The following URB1 variants were observed in gnomAD, a reference collection of about 807,000 sequenced individuals.
The protein encoded by URB1 is URB1 ribosome biogenesis factor.
Under a neutral mutation model 242.3 loss-of-function variants are expected in URB1, and 197 were observed. The ratio of observed to expected loss-of-function variants is 0.81; its 90% confidence interval spans 0.72 to 0.91. The LOEUF is 0.91. Ranked by LOEUF, URB1 falls within the 40% of genes least tolerant of loss-of-function variation. URB1 has a pLI of 0.00. For synonymous variants in URB1, 1,153 were observed against 1,201.8 expected, an observed-to-expected ratio of 0.96 and a Z score of 0.84; for missense variants, 2,721 against 2,860.5, an observed-to-expected ratio of 0.95 and a Z score of 1.11.
chr21:32,333,294 A>C, intron 30 of URB1, 23 bp downstream of exon 30: 1 of 1,548,158 alleles, frequency 6.5e-7, no homozygotes, highest in Non-Finnish European at 8.7e-7. Flanking sequence ...GCAAGCCCTG[A>C]CCCAAGAGAA....
chr21:32,357,677 C>A, intron 14 of URB1, 21 bp from the exon 15 acceptor site: 3 of 1,411,124 alleles, frequency 2.1e-6, no homozygotes, highest in Non-Finnish European at 2.8e-6. Flanking sequence ...AACAATATTA[C>A]GTATTTTTAG....
Position 32,311,415 on chromosome 21 carries a change from A to ACCCCCC in URB1, c.*3497_*3502dup. On this transcript the variant is annotated 3_prime_UTR_variant, in exon 39 of 39. Transcript: ENST00000382751. The stretch of plus-strand genomic sequence containing the variant: ...GTCAACCTGCTCCCCTCCACCCCCC[A>ACCCCCC]CCCCCCCCATCCTAAATCAATGTAG... 3.5e-5 allele frequency: 4 copies of ACCCCCC among 113,772 alleles called. No homozygotes were observed. Among genetic ancestry groups the ACCCCCC allele is most frequent in the Admixed American group, 1.1e-4 (1 of 9,310 alleles). The allele number at this position is 113,772 out of a possible 1,614,324, so 7.0% of individuals were successfully genotyped here. A position where few individuals can be genotyped will look rare whatever the true frequency, so the allele number is the denominator to read the frequency against.
intron 9 of URB1, among the ~76,000 whole-genome samples, chr21:32,367,546 A>G (rs1018930676): frequency 1.3e-5 from 2 of 152,124 alleles, no homozygotes; most frequent in African/African-American, 4.8e-5. Context: ...ACCATGAATC[A>G]GTGACAGAGA....
chr21:32,357,643 G>C lies in URB1; in HGVS notation c.1883C>G (p.Ala628Gly). 1 of 1,495,786 alleles carries C rather than the reference G, an allele frequency of 6.7e-7. No individual in the cohort carries two copies. Among genetic ancestry groups the C allele is most frequent in the Non-Finnish European group, 8.9e-7 (1 of 1,123,858 alleles). The allele number at this position is 1,495,786 out of a possible 1,614,324, so 92.7% of individuals were successfully genotyped here. The part of the protein sequence containing the change: ...LWLKAQEGPD[A>G]EIIGGERSVF... Reference sequence around the variant, plus strand: ...TGATCGTTCACCTCCAATAATTTCTGCATCTGGGCCTTCCTAGAGTTTAAA... The same window carrying C: ...TGATCGTTCACCTCCAATAATTTCTCCATCTGGGCCTTCCTAGAGTTTAAA... Residue 628 changes from alanine (A) to glycine (G), a missense_variant, in exon 15 of 39, where the codon GCA (alanine) becomes GGA (glycine). Ala to Gly is a moderately conservative substitution (Grantham distance 60, BLOSUM62 0). Coordinates refer to ENST00000382751, the MANE Select transcript of URB1 (RefSeq NM_014825.3).
At chr21:32,366,585 AGT>A (rs1568826905) in intron 10 of URB1, 31 bp downstream of exon 10, 1 of 1,550,134 alleles carries the variant, frequency 6.5e-7, no homozygotes, top group East Asian at 2.4e-5. Flanking sequence ...AGCTGGAGGC[AGT>A]TCCAGAAGTG....
intron 9 of URB1, 107 bp from the exon 10 acceptor site, chr21:32,366,862 G>A (rs567657958): frequency 3.0e-5 from 38 of 1,265,292 alleles, no homozygotes; most frequent in Middle Eastern, 3.9e-4. Flanking sequence ...TAATTATAGC[G>A]GTAAAGGTCC....
intron 3 of URB1, 102 bp from the exon 4 acceptor site, chr21:32,383,656 C>A: frequency 8.0e-7 from 1 of 1,256,016 alleles, no homozygotes; most frequent in South Asian, 2.3e-5. Context: ...TATTTGCTAT[C>A]CCCAAACCAG....
In URB1 at chr21:32,383,539, G is replaced by A; in HGVS notation, c.450C>T (p.Cys150=). 5 of 1,551,494 alleles carry A rather than the reference G, an allele frequency of 3.2e-6. No individual in the cohort carries two copies. Among genetic ancestry groups the A allele is most frequent in the Non-Finnish European group, 1.7e-6 (2 of 1,146,932 alleles). Residue 150 remains cysteine, a synonymous_variant, in exon 4 of 39, where the codon TGC becomes TGT. Transcript: ENST00000382751. ...YASGYRLARA[C]LSLMTAMVTQ... Reference sequence around the variant, plus strand: ...TCACCATGGCGGTCATCAGGCTCAGGCAGGCGCGAGCCAACCTGCACAGGG... The same window carrying A: ...TCACCATGGCGGTCATCAGGCTCAGACAGGCGCGAGCCAACCTGCACAGGG...
intron 32 of URB1, 57 bp from the exon 33 acceptor site, chr21:32,322,641 C>T: frequency 7.7e-7 from 1 of 1,294,622 alleles, no homozygotes; most frequent in South Asian, 1.3e-5. Context: ...GCCCCCTGGT[C>T]TGGCAGCACT....
chr21:32,370,725 T>C (rs7279419), intron 8 of URB1, among the ~76,000 whole-genome samples: 6 of 152,136 alleles, frequency 3.9e-5, no homozygotes, highest in Non-Finnish European at 2.9e-5. Flanking sequence ...GCACCTATCA[T>C]TGTAATTTGA....
chr21:32,325,266 G>A lies in URB1; in HGVS notation c.5084C>T (p.Ser1695Leu), dbSNP rs187640762. The A allele has an allele frequency of 9.3e-3, 14,371 of 1,551,702 alleles. 97 individuals are homozygous for A. Among genetic ancestry groups the A allele is most frequent in the Non-Finnish European group, 0.011 (12,377 of 1,146,972 alleles). ...TTGGAACCGTGCGCCCTCCAAGTGCGAGTAGTAGGCCGCCAGGACATGGTA... is the reference window on the plus strand; with the variant it reads ...TTGGAACCGTGCGCCCTCCAAGTGCAAGTAGTAGGCCGCCAGGACATGGTA... ...IAYHVLAAYY[S>L]HLEGARFQEQ... The change falls in exon 31 of 39, where the codon TCG becomes TTG. Residue 1695 changes from serine to leucine, a missense_variant. Coordinates refer to ENST00000382751, the MANE Select transcript of URB1 (RefSeq NM_014825.3).
At chr21:32,344,777 CAG>C (rs2033066929) in intron 23 of URB1, 21 bp from the exon 24 acceptor site, 1 of 1,545,448 alleles carries the variant, frequency 6.5e-7, no homozygotes, top group African/African-American at 1.4e-5. Context: ...AGATGAGAGT[CAG>C]AGACAGAGAG....
intron 29 of URB1, 49 bp from the exon 30 acceptor site, chr21:32,333,468 TA>T: frequency 7.1e-7 from 1 of 1,415,820 alleles, no homozygotes; most frequent in South Asian, 1.3e-5. Flanking sequence ...CTCACAAAGG[TA>T]ATACAGGTTG....
At chr21:32,354,427 G>T (rs919240311) in intron 17 of URB1, among the ~76,000 whole-genome samples, 2 of 152,166 alleles carry the variant, frequency 1.3e-5, no homozygotes, top group African/African-American at 4.8e-5. Context: ...TAGTGTGAGG[G>T]TTAAAGCACA....
chr21:32,316,381 G>A lies in URB1; in HGVS notation c.6634+85C>T, dbSNP rs141423707. 3.8e-4 allele frequency: 547 copies of A among 1,440,352 alleles called. No individual in the cohort carries two copies. In the African/African-American group the frequency reaches 6.6e-3, roughly 17 times the overall value. 89.2% of individuals were successfully genotyped at this position (1,440,352 alleles called of 1,614,324 possible). On this transcript the variant is annotated intron_variant, in intron 38 of 38. Transcript: ENST00000382751. ...GCTGAGGAAGTCAGCAGAAACCTGA[G>A]TGTTCTAAGCACAGAAATCACTCCT...
At chr21:32,391,581 T>C (rs1310738611) in intron 1 of URB1, among the ~76,000 whole-genome samples, 1 of 152,188 alleles carries the variant, frequency 6.6e-6, no homozygotes, top group Non-Finnish European at 1.5e-5. Context: ...CTTTTTGACA[T>C]TTTTATTCAT....
chr21:32,350,764 G>A lies in URB1; in HGVS notation c.2772C>T (p.Val924=), dbSNP rs969659461. The change falls in exon 20 of 39, where the codon GTC becomes GTT. Residue 924 remains valine, a synonymous_variant. Transcript: ENST00000382751. ...ATMPHLSMQQ[V]LLAAKQVLLY... ...GCAACACCTGCTTGGCCGCGAGCAG[G>A]ACCTGCTGCATGGACAGGTGTGGCA... 9.7e-6 allele frequency: 15 copies of A among 1,551,390 alleles called. No homozygotes were observed. Among genetic ancestry groups the A allele is most frequent in the Non-Finnish European group, 1.3e-5 (15 of 1,147,022 alleles).
chr21:32,317,330 C>T (rs1194852089), intron 37 of URB1, among the ~76,000 whole-genome samples: 1 of 152,226 alleles, frequency 6.6e-6, no homozygotes, highest in Non-Finnish European at 1.5e-5. Flanking sequence ...AGGACAGCAT[C>T]AGAGCTTCAG....
chr21:32,376,811 T>TTTTGTTTG (rs35719368), intron 5 of URB1, among the ~76,000 whole-genome samples: 209 of 150,436 alleles, frequency 1.4e-3, no homozygotes, highest in Admixed American at 9.0e-3. Flanking sequence ...CTAACTTTTG[T>TTTTGTTTG]TTTGTTTGTT....
Sources: allele counts gnomAD v4.1 joint callset (sites outside exome capture counted in the v4.1 genomes callset), GRCh38; gene constraint gnomAD v4.1.1; transcripts MANE v1.5; gene names NCBI Gene and HGNC (gene_info 2026-07-23, HGNC 2026-07-21).